The following PCDHA4 variants were observed in gnomAD, a reference collection of about 807,000 sequenced individuals.
The protein encoded by PCDHA4 is protocadherin alpha 4.
Under a neutral mutation model 61.4 loss-of-function variants are expected in PCDHA4, and 49 were observed. That is an observed-to-expected ratio of 0.80 (90% CI 0.63 to 1.01). The LOEUF is 1.01. PCDHA4 is among the 50% of genes least tolerant of loss of function. The pLI is 0.00. For synonymous variants in PCDHA4, 590 were observed against 550.3 expected (o/e 1.07, Z -1.01); for missense variants, 1,254 against 1,235.8 (o/e 1.01, Z -0.22).
chr5:140,809,860 C>G (rs1305096062), intron 1 of PCDHA4: 4 of 291,016 alleles, frequency 1.4e-5, no homozygotes, highest in Non-Finnish European at 2.5e-5. Context: ...TTTTAGAAAA[C>G]ATTTTACTAT....
At position 140,807,674 on chromosome 5, in the gene PCDHA4, G is replaced by A. The variant is rs782061737; in HGVS notation, c.487G>A (p.Gly163Arg). The stretch of plus-strand genomic sequence containing the variant: ...AGAGGGCGCCTCGGATGCAGATATC[G>A]GGGAGAACGCCCTGCTCACTTACAG... ...PLEGASDADIGENALLTYRLS... is the reference protein window; with the variant it reads ...PLEGASDADIRENALLTYRLS... Residue 163 changes from glycine (G) to arginine (R), a missense_variant, in exon 1 of 4, where the codon GGG becomes AGG. Transcript: ENST00000530339. The A allele has an allele frequency of 1.2e-6, 2 of 1,614,206 alleles. No individual in the cohort carries two copies. The highest frequency in any genetic ancestry group is 2.2e-5 in the South Asian group (2 of 91,088).
chr5:140,918,899 C>G (rs2078917474), intron 1 of PCDHA4, among the ~76,000 whole-genome samples: 1 of 152,206 alleles, frequency 6.6e-6, no homozygotes, highest in African/African-American at 2.4e-5. Context: ...AAATAAATCT[C>G]TCTTGTTTAT....
intron 1 of PCDHA4, chr5:140,927,432 C>T: frequency 5.6e-6 from 9 of 1,614,124 alleles, no homozygotes; most frequent in Non-Finnish European, 5.9e-6. Flanking sequence ...TTGACGGCAG[C>T]GAATACCCGG....
At chr5:140,955,343 A>G (rs1031411707) in intron 1 of PCDHA4, among the ~76,000 whole-genome samples, 16 of 152,134 alleles carry the variant, frequency 1.1e-4, no homozygotes, top group African/African-American at 3.9e-4. Context: ...TAATCCCCAC[A>G]TGTTGTGAGA....
Position 140,928,358 on chromosome 5 carries a change from CT to C in PCDHA4, c.2386-50590del, listed in dbSNP as rs782782118. 3.7e-6 allele frequency: 6 copies of C among 1,614,178 alleles called. No homozygotes were observed. In the Admixed American group the frequency reaches 1.0e-4, roughly 27 times the overall value. ...TCTTATGAGCTGTTGGATGTTATCT[CT>C]GAAGGGCCATCAGCCTCTAGCTTGC... On this transcript the variant is annotated intron_variant, in intron 1 of 3. Coordinates refer to ENST00000530339, the MANE Select transcript of PCDHA4 (RefSeq NM_018907.4).
chr5:140,886,023 C>A (rs759768435), intron 1 of PCDHA4, among the ~76,000 whole-genome samples: 5 of 152,078 alleles, frequency 3.3e-5, no homozygotes, highest in Non-Finnish European at 7.4e-5. Flanking sequence ...GCTATGTATT[C>A]TTCACTAAGT....
chr5:140,993,033 T>C (rs1315226376), intron 3 of PCDHA4, among the ~76,000 whole-genome samples: 2 of 152,158 alleles, frequency 1.3e-5, no homozygotes, highest in African/African-American at 4.8e-5. Context: ...GTGGGCTCCG[T>C]GTGTCATCAA....
At chr5:140,921,277 A>G (rs1554200163) in intron 1 of PCDHA4, among the ~76,000 whole-genome samples, 1 of 152,210 alleles carries the variant, frequency 6.6e-6, no homozygotes, top group Non-Finnish European at 1.5e-5. Flanking sequence ...ACTTACTTGA[A>G]AAAAACCTCA....
In PCDHA4 at chr5:140,807,272, G is replaced by A; in HGVS notation, c.85G>A (p.Gly29Ser). 6.2e-7 allele frequency: 1 copy of A among 1,614,228 alleles called. No homozygotes were observed. The highest frequency in any genetic ancestry group is 8.5e-7 in the Non-Finnish European group (1 of 1,180,044). The change falls in exon 1 of 4, where the codon GGT becomes AGT. Residue 29 changes from glycine (G) to serine (S), a missense_variant. Coordinates refer to ENST00000530339, the MANE Select transcript of PCDHA4 (RefSeq NM_018907.4). The part of the protein sequence containing the change: ...LLLAAWEAGN[G>S]QLHYSVSEEA... ...CCTCGCAGCCTGGGAGGCAGGGAAC[G>A]GTCAGCTCCACTACTCGGTCTCCGA...
At chr5:140,834,854 G>A in intron 1 of PCDHA4, 1 of 1,610,584 alleles carries the variant, frequency 6.2e-7, no homozygotes, top group South Asian at 1.1e-5. Flanking sequence ...TAGAGGGCGC[G>A]TCCGATGCAG....
chr5:140,873,453 A>G (rs1454430298), intron 1 of PCDHA4, among the ~76,000 whole-genome samples: 2 of 152,180 alleles, frequency 1.3e-5, no homozygotes, highest in Non-Finnish European at 2.9e-5. Context: ...ACAAATTTGC[A>G]TTTTAGATAA....
Position 140,852,497 on chromosome 5 carries a change from C to T in PCDHA4, c.2385+42925C>T, listed in dbSNP as rs1462166963. The T allele has an allele frequency of 3.2e-5, 8 of 251,770 alleles. 1 individual carries two copies. The South Asian group carries it at 6.1e-4, about 19-fold the overall frequency. 15.6% of individuals were successfully genotyped at this position (251,770 alleles called of 1,614,324 possible). ...TTCATCATGTTGGCCAGGTTGGTCT[C>T]GAACTCCTGACCTTGTGATGCTCCC... is the stretch of plus-strand genomic sequence containing the variant. On this transcript the variant is annotated intron_variant, in intron 1 of 3. Coordinates refer to ENST00000530339, the MANE Select transcript of PCDHA4 (RefSeq NM_018907.4).
intron 1 of PCDHA4, chr5:140,866,517 C>T (rs1554160368): frequency 6.6e-6 from 1 of 152,090 alleles, no homozygotes; most frequent in African/African-American, 2.4e-5. Flanking sequence ...CTTGACTAAG[C>T]CATGATAGAG....
rs782527785 is a variant in PCDHA4, at chr5:140,882,593, A to C, written c.2385+73021A>C. 1.9e-6 allele frequency: 3 copies of C among 1,614,126 alleles called. No homozygotes were observed. In the African/African-American group the frequency reaches 4.0e-5, roughly 22 times the overall value. On this transcript the variant is annotated intron_variant, in intron 1 of 3. Coordinates refer to ENST00000530339, the MANE Select transcript of PCDHA4 (RefSeq NM_018907.4). ...GGAGTGCAGCATCCACCTGGAGGTG[A>C]TCGTGGACAGGCCTCTGCAGGTTTT...
chr5:140,854,113 G>A (rs2042980116), intron 1 of PCDHA4: 1 of 316,648 alleles, frequency 3.2e-6, no homozygotes, highest in African/African-American at 2.4e-5. Flanking sequence ...AGTGAACTGT[G>A]ATGGCACAAC....
At chr5:140,955,990 T>C (rs246015) in intron 1 of PCDHA4, among the ~76,000 whole-genome samples, 48,106 of 152,064 alleles carry the variant, frequency 0.32, 7,958 homozygotes, top group East Asian at 0.53. Context: ...TTTTTGCACA[T>C]TGATTTTGTA....
chr5:140,950,523 T>C (rs1289314937), intron 1 of PCDHA4, among the ~76,000 whole-genome samples: 2 of 152,094 alleles, frequency 1.3e-5, no homozygotes, highest in African/African-American at 4.8e-5. Flanking sequence ...TGCGATATGA[T>C]TGTTTTTGTT....
Position 140,991,900 on chromosome 5 carries a change from ATCCC to A in PCDHA4, c.2533+9339_2533+9342del, listed in dbSNP as rs576684602. Reference sequence around the variant, plus strand: ...GGCTGCCATAACAAATTAACACAAAATCCCTTTTGCCATGTAACATAACATATTC... The same window carrying A: ...GGCTGCCATAACAAATTAACACAAAATTTTGCCATGTAACATAACATATTC... On this transcript the variant is annotated intron_variant, in intron 3 of 3. Coordinates refer to ENST00000530339, the MANE Select transcript of PCDHA4 (RefSeq NM_018907.4). Among the ~76,000 whole-genome samples, 390 of 152,250 alleles carry A rather than the reference ATCCC, an allele frequency of 2.6e-3. 2 individuals carry two copies. The highest frequency in any genetic ancestry group is 4.8e-3 in the South Asian group (23 of 4,818).
At chr5:140,840,854 C>T (rs2150309759) in intron 1 of PCDHA4, among the ~76,000 whole-genome samples, 10 of 151,908 alleles carry the variant, frequency 6.6e-5, no homozygotes, top group Admixed American at 2.6e-4. Flanking sequence ...TTCTTCCACA[C>T]GAAACTATGG....
Sources: gnomAD v4.1 joint callset for allele counts (sites outside exome capture counted in the v4.1 genomes callset) on GRCh38, gnomAD v4.1.1 for gene constraint, MANE v1.5 for transcripts, NCBI Gene and HGNC (gene_info 2026-07-23, HGNC 2026-07-21) for gene names.